POLN: variants seen among roughly 807,000 people sequenced by gnomAD.
POLN encodes the protein DNA polymerase nu.
In POLN, 108 loss-of-function variants were observed where a neutral mutation model predicts 113.5. The ratio of observed to expected loss-of-function variants is 0.95; its 90% confidence interval spans 0.81 to 1.12. POLN has a LOEUF of 1.12. Ranked by LOEUF, POLN falls within the 50% of genes most tolerant of loss-of-function variation. The pLI, the probability that POLN is intolerant of heterozygous loss-of-function variation, is 0.00. For synonymous variants in POLN, 386 were observed against 391.5 expected, an observed-to-expected ratio of 0.99 and a Z score of 0.17; for missense variants, 1,097 against 1,077.1, an observed-to-expected ratio of 1.02 and a Z score of -0.26.
chr4:2,239,049 C>A, intron 2 of POLN: 1 of 1,437,806 alleles, frequency 7.0e-7, no homozygotes, highest in Non-Finnish European at 9.2e-7. Flanking sequence ...ACAGCCTATA[C>A]AAAGAAAAGC....
At chr4:2,176,223 T>C (rs1560082869) in intron 9 of POLN, 43 bp downstream of exon 9, 1 of 1,510,742 alleles carries the variant, frequency 6.6e-7, no homozygotes, top group Admixed American at 1.7e-5. Flanking sequence ...AAGACATCTC[T>C]TGTGAGCCTC....
intron 13 of POLN, among the ~76,000 whole-genome samples, chr4:2,167,255 T>A (rs929972069): frequency 1.5e-4 from 23 of 152,222 alleles, no homozygotes; most frequent in Admixed American, 2.6e-4. Flanking sequence ...GAGTGGCTGG[T>A]CCAGGAATCC....
chr4:2,173,604 T>C (rs1732919631), intron 11 of POLN, among the ~76,000 whole-genome samples: 1 of 152,174 alleles, frequency 6.6e-6, no homozygotes, highest in Non-Finnish European at 1.5e-5. Flanking sequence ...TAGAGCATTT[T>C]TAAGTATTTT....
intron 23 of POLN, chr4:2,078,945 T>C (rs933403589): frequency 3.0e-6 from 3 of 985,216 alleles, no homozygotes; most frequent in South Asian, 4.7e-5. Context: ...TTTTTCTTTT[T>C]TTGAGGCAGG....
intron 15 of POLN, among the ~76,000 whole-genome samples, chr4:2,157,589 G>A (rs1355280196): frequency 2.0e-5 from 3 of 151,906 alleles, no homozygotes; most frequent in Non-Finnish European, 4.4e-5. Flanking sequence ...TGGGCGTGGT[G>A]GCGGACACCT....
At chr4:2,105,844 T>TGAA (rs1731053512) in intron 19 of POLN, among the ~76,000 whole-genome samples, 1 of 150,522 alleles carries the variant, frequency 6.6e-6, no homozygotes, top group South Asian at 2.1e-4. Context: ...ATGATGATGA[T>TGAA]GATGGTGATG....
At chr4:2,172,021 G>C (rs1732874757) in intron 11 of POLN, among the ~76,000 whole-genome samples, 1 of 152,102 alleles carries the variant, frequency 6.6e-6, no homozygotes, top group African/African-American at 2.4e-5. Flanking sequence ...CTATACATCA[G>C]TAAGAAAAAA....
At chr4:2,229,356 T>TTTAAA in intron 2 of POLN, 113 bp from the exon 3 acceptor site, 1 of 897,464 alleles carries the variant, frequency 1.1e-6, no homozygotes, top group Non-Finnish European at 1.6e-6. Flanking sequence ...AAAATGTCTA[T>TTTAAA]ATTCATAACC....
chr4:2,223,703 T>G (rs1734318468), intron 3 of POLN, among the ~76,000 whole-genome samples: 1 of 152,262 alleles, frequency 6.6e-6, no homozygotes, highest in African/African-American at 2.4e-5. Flanking sequence ...AGCATGTTAC[T>G]GCACTGAATA....
chr4:2,237,440 G>C (rs1375202444), intron 2 of POLN, among the ~76,000 whole-genome samples: 1 of 149,116 alleles, frequency 6.7e-6, no homozygotes, highest in Non-Finnish European at 1.5e-5. Context: ...TGTCTTAAAA[G>C]GAAAGAAAGG....
intron 5 of POLN, among the ~76,000 whole-genome samples, chr4:2,207,689 C>T (rs1733886501): frequency 6.6e-6 from 1 of 152,116 alleles, no homozygotes; most frequent in Non-Finnish European, 1.5e-5. Context: ...TGAAATACCA[C>T]TTCGGAATCA....
chr4:2,240,087 T>C, intron 2 of POLN: 1 of 1,614,050 alleles, frequency 6.2e-7, no homozygotes, highest in Non-Finnish European at 8.5e-7. Flanking sequence ...TATACTTGAC[T>C]TCATGCTCGA....
At chr4:2,119,595 G>A (rs1731394944) in intron 19 of POLN, among the ~76,000 whole-genome samples, 1 of 152,012 alleles carries the variant, frequency 6.6e-6, no homozygotes, top group African/African-American at 2.4e-5. Flanking sequence ...TAAGCTTAAA[G>A]GTTTTTCAAG....
At chr4:2,089,102 G>T in intron 20 of POLN, 1 of 997,812 alleles carries the variant, frequency 1.0e-6, no homozygotes, top group South Asian at 1.4e-5. Context: ...TATAGGCTTT[G>T]GAAGAAAATC....
intron 19 of POLN, among the ~76,000 whole-genome samples, chr4:2,099,819 A>C (rs1730880680): frequency 6.6e-6 from 1 of 152,204 alleles, no homozygotes; most frequent in South Asian, 2.1e-4. Context: ...ATGTCAATTT[A>C]AAACTGTTCT....
chr4:2,109,072 T>C (rs1731134007), intron 19 of POLN, among the ~76,000 whole-genome samples: 1 of 152,158 alleles, frequency 6.6e-6, no homozygotes, highest in African/African-American at 2.4e-5. Context: ...TAAAAAATCA[T>C]CAATGATTAT....
In POLN at chr4:2,208,025, TCA is replaced by T. The variant is rs765267531; in HGVS notation, c.674_675del (p.Val225AspfsTer4). 6.2e-7 allele frequency: 1 copy of T among 1,614,008 alleles called. No individual in the cohort carries two copies. On this transcript the variant is annotated frameshift_variant, in exon 5 of 26. Coordinates refer to ENST00000511885, the MANE Select transcript of POLN (RefSeq NM_181808.4). LOFTEE classifies it high-confidence loss of function. ...LKQAAALVIT[V>X]MYTDGSTQLG... ...AGCTGGGTGGAACCATCAGTATACA[TCA>T]CAGTTATCACCAGGGCTGCTGCCTG...
At chr4:2,101,440 G>A (rs960121154) in intron 19 of POLN, among the ~76,000 whole-genome samples, 3 of 152,208 alleles carry the variant, frequency 2.0e-5, no homozygotes, top group Non-Finnish European at 4.4e-5. Flanking sequence ...CAGGCAGCCT[G>A]CATGGCCCGG....
chr4:2,170,536 G>A, intron 13 of POLN, 143 bp downstream of exon 13: 1 of 647,448 alleles, frequency 1.5e-6, no homozygotes. Flanking sequence ...AGCAACCTTG[G>A]TGTGGGGAGC....
Sources: gnomAD v4.1 joint callset for allele counts (sites outside exome capture counted in the v4.1 genomes callset) on GRCh38, gnomAD v4.1.1 for gene constraint, MANE v1.5 for transcripts, NCBI Gene and HGNC (gene_info 2026-07-23, HGNC 2026-07-21) for gene names.